The following PSD3 variants were observed in gnomAD, a reference collection of about 807,000 sequenced individuals.
The protein encoded by PSD3 is pleckstrin and Sec7 domain containing 3.
In PSD3, 49 loss-of-function variants were observed where a neutral mutation model predicts 105.5. That is an observed-to-expected ratio of 0.46 (90% CI 0.37 to 0.59). The LOEUF (loss-of-function observed/expected upper bound fraction) is 0.59. Ranked by LOEUF, PSD3 falls within the 20% of genes least tolerant of loss-of-function variation. The pLI, the probability that PSD3 is intolerant of heterozygous loss-of-function variation, is 0.00. For missense variants in PSD3, 1,561 were observed against 1,263.8 expected, an observed-to-expected ratio of 1.24 and a Z score of -3.57; for synonymous variants, 557 against 457.8, an observed-to-expected ratio of 1.22 and a Z score of -2.77.
At chr8:18,876,644 C>T (rs1334880759) in intron 2 of PSD3, among the ~76,000 whole-genome samples, 3 of 152,262 alleles carry the variant, frequency 2.0e-5, no homozygotes, top group East Asian at 3.9e-4. Flanking sequence ...AAAGGATACG[C>T]CTGCCTCGGC....
intron 9 of PSD3, among the ~76,000 whole-genome samples, chr8:18,744,214 T>C (rs1304672491): frequency 3.9e-5 from 6 of 152,256 alleles, no homozygotes; most frequent in African/African-American, 1.4e-4. Context: ...AGGCTTTACA[T>C]GGATTTTCAC....
intron 1 of PSD3, among the ~76,000 whole-genome samples, chr8:19,039,983 G>C (rs1290716644): frequency 1.3e-5 from 2 of 152,132 alleles, no homozygotes; most frequent in South Asian, 4.1e-4. Flanking sequence ...TAAGGGTTGG[G>C]GGGTATTTAT....
chr8:18,969,055 T>G (rs550079691), intron 1 of PSD3, among the ~76,000 whole-genome samples: 2 of 152,138 alleles, frequency 1.3e-5, no homozygotes, highest in African/African-American at 2.4e-5. Flanking sequence ...CCTTCCAAAG[T>G]GTCTACTATG....
chr8:18,616,628 C>CTTTTTTTTTTTTTTT lies in PSD3; in HGVS notation c.2410+15984_2410+15985insAAAAAAAAAAAAAAA, dbSNP rs71217391. On this transcript the variant is annotated intron_variant, in intron 11 of 15. Coordinates refer to ENST00000327040, the MANE Select transcript of PSD3 (RefSeq NM_015310.4). ...GCCTCATCTTCCTCTCTTTTCTTTT[C>CTTTTTTTTTTTTTTT]TTTTTTTTTTTTTGAGACGGAGTCT... Among the ~76,000 whole-genome samples the CTTTTTTTTTTTTTTT allele has an allele frequency of 2.1e-4, 26 of 126,756 alleles. 1 individual carries two copies. Among genetic ancestry groups the CTTTTTTTTTTTTTTT allele is most frequent in the South Asian group, 7.8e-4 (3 of 3,824 alleles). 83.2% of individuals were successfully genotyped at this position (126,756 alleles called of 152,430 possible). A position where few individuals can be genotyped will look rare whatever the true frequency, so the allele number is the denominator to read the frequency against.
intron 9 of PSD3, among the ~76,000 whole-genome samples, chr8:18,732,498 C>T (rs990946520): frequency 3.3e-5 from 5 of 152,198 alleles, no homozygotes; most frequent in East Asian, 1.9e-4. Context: ...TGCTAATGGC[C>T]GAGCTGACCT....
At chr8:18,854,673 A>G (rs773028283) in intron 4 of PSD3, among the ~76,000 whole-genome samples, 13 of 152,242 alleles carry the variant, frequency 8.5e-5, no homozygotes, top group Non-Finnish European at 1.6e-4. Context: ...ACTGAAATAG[A>G]CAACAAAATA....
At chr8:18,592,140 G>A (rs1234998825) in intron 12 of PSD3, among the ~76,000 whole-genome samples, 1 of 151,876 alleles carries the variant, frequency 6.6e-6, no homozygotes, top group Non-Finnish European at 1.5e-5. Context: ...TGCTCAACAA[G>A]CTAAAAAAAG....
At chr8:19,073,761 T>C (rs58465755) in intron 1 of PSD3, among the ~76,000 whole-genome samples, 8,693 of 151,452 alleles carry the variant, frequency 0.057, 813 homozygotes, top group African/African-American at 0.19. Context: ...TGCTCTGATT[T>C]GCTATTCAAA....
chr8:18,695,302 T>C (rs1801198052), intron 9 of PSD3, among the ~76,000 whole-genome samples: 1 of 152,186 alleles, frequency 6.6e-6, no homozygotes, highest in South Asian at 2.1e-4. Flanking sequence ...CATTGATACC[T>C]GTCAGCCCCA....
chr8:18,879,031 CAAACAA>C (rs1817913404), intron 2 of PSD3, among the ~76,000 whole-genome samples: 1 of 141,842 alleles, frequency 7.1e-6, no homozygotes, highest in African/African-American at 2.7e-5. Flanking sequence ...AAAAAACAAA[CAAACAA>C]ACACACACAC....
intron 12 of PSD3, among the ~76,000 whole-genome samples, chr8:18,595,032 T>C (rs1803985999): frequency 6.6e-6 from 1 of 151,944 alleles, no homozygotes; most frequent in Admixed American, 6.6e-5. Flanking sequence ...TTAACTCTGG[T>C]ATAGAAATTT....
intron 11 of PSD3, among the ~76,000 whole-genome samples, chr8:18,604,645 C>T (rs748922850): frequency 5.3e-5 from 8 of 152,172 alleles, no homozygotes; most frequent in Admixed American, 2.6e-4. Context: ...AATGGGGACA[C>T]GGCCTTGAAG....
rs1806677864 is a variant in PSD3 at position 18,763,106 on chromosome 8, T to C, written c.2172+2343A>G. On this transcript the variant is annotated intron_variant, in intron 9 of 15. Transcript: ENST00000327040. The stretch of plus-strand genomic sequence containing the variant: ...AACAACAGACATTCAAGTACAAATG[T>C]TACTTCTGGGCCAAAGAAATCTGAA... 4.4e-6 allele frequency: 2 copies of C among 459,256 alleles called. 1 individual carries two copies. The highest frequency in any genetic ancestry group is 4.7e-5 in the Admixed American group (2 of 42,366). The allele number at this position is 459,256 out of a possible 1,614,324, so 28.4% of individuals were successfully genotyped here. A position where few individuals can be genotyped will look rare whatever the true frequency, so the allele number is the denominator to read the frequency against.
intron 10 of PSD3, among the ~76,000 whole-genome samples, chr8:18,646,720 A>G (rs556014825): frequency 1.2e-4 from 19 of 152,334 alleles, no homozygotes; most frequent in African/African-American, 4.1e-4. Flanking sequence ...CGTCCTTATG[A>G]GATTACCAAC....
rs909456143 is a variant in PSD3 at position 18,784,180 on chromosome 8, G to A, written c.2082+15115C>T. 4.6e-5 allele frequency among the ~76,000 whole-genome samples: 7 copies of A among 151,904 alleles called. No homozygotes were observed. In the East Asian group the frequency reaches 7.7e-4, roughly 17 times the overall value. On this transcript the variant is annotated intron_variant, in intron 8 of 15. Transcript: ENST00000327040. ...CATCAGGTATCTGTTAGATCTAGTT[G>A]GTTTTTATGTTGTTCAAGTCTATTT...
At chr8:18,834,840 C>T (rs895509722) in intron 4 of PSD3, among the ~76,000 whole-genome samples, 1 of 152,136 alleles carries the variant, frequency 6.6e-6, no homozygotes, top group Non-Finnish European at 1.5e-5. Flanking sequence ...ATAAACCCAA[C>T]GCCTGTGACA....
intron 9 of PSD3, among the ~76,000 whole-genome samples, chr8:18,747,017 T>C (rs1466376702): frequency 3.3e-5 from 5 of 152,374 alleles, no homozygotes; most frequent in Middle Eastern, 3.4e-3. Flanking sequence ...TGTGTATGCA[T>C]AGCCTCAGTT....
intron 9 of PSD3, chr8:18,732,817 C>CTT (rs1301230764): frequency 1.3e-5 from 2 of 149,406 alleles, no homozygotes; most frequent in East Asian, 2.0e-4. Flanking sequence ...TCATTTCTTC[C>CTT]TTTTTTTTTT....
At chr8:18,743,102 ACTT>A (rs1288630384) in intron 9 of PSD3, among the ~76,000 whole-genome samples, 1 of 152,192 alleles carries the variant, frequency 6.6e-6, no homozygotes. Flanking sequence ...TGCTATGCAT[ACTT>A]CTTCAACTGT....
Sources: gnomAD v4.1 joint callset for allele counts (sites outside exome capture counted in the v4.1 genomes callset) on GRCh38, gnomAD v4.1.1 for gene constraint, MANE v1.5 for transcripts, NCBI Gene and HGNC (gene_info 2026-07-23, HGNC 2026-07-21) for gene names.